CACNG4: variants seen among roughly 807,000 people sequenced by gnomAD.
CACNG4 encodes the protein calcium voltage-gated channel auxiliary subunit gamma 4, also known as voltage-dependent calcium channel gamma-4 subunit.
CACNG4 carries 8 observed loss-of-function variants against 22.9 expected under a neutral mutation model. The observed-to-expected ratio is 0.35, with a 90% CI of 0.21 to 0.63. The LOEUF (loss-of-function observed/expected upper bound fraction) is 0.63, where lower values mean the gene tolerates loss of function less well. Ranked by LOEUF, CACNG4 falls within the 30% of genes least tolerant of loss-of-function variation. The probability of loss-of-function intolerance (pLI) is 0.72; values close to 1 mark genes in which losing one functional copy is unlikely to be tolerated. For missense variants in CACNG4, 357 were observed against 455.4 expected (o/e 0.78, Z 1.97); for synonymous variants, 188 against 191.9 (o/e 0.98, Z 0.17).
chr17:67,028,870 C>T (rs189174172), intron 3 of CACNG4, among the ~76,000 whole-genome samples: 1 of 152,360 alleles, frequency 6.6e-6, no homozygotes, highest in East Asian at 1.9e-4. Context: ...CTATTTTTCA[C>T]TTCCCATATT....
chr17:67,027,683 G>A lies in CACNG4; in HGVS notation c.445+2683G>A, dbSNP rs865776605. On this transcript the variant is annotated intron_variant, in intron 3 of 3. Transcript: ENST00000262138. This position sits in a 1 kb window ranked among gnomAD's most constrained non-coding sequence, Gnocchi z 4.3. ...CCAACTCGTGCTGAATACAGAGAGG[G>A]GAAGAAAACACAAAGCTAGGGAAGC... Among the ~76,000 whole-genome samples the A allele has an allele frequency of 5.9e-5, 9 of 152,190 alleles. No homozygotes were observed. The highest frequency in any genetic ancestry group is 2.0e-4 in the Admixed American group (3 of 15,278).
At chr17:66,972,238 A>G (rs900989484) in intron 1 of CACNG4, among the ~76,000 whole-genome samples, 7 of 152,216 alleles carry the variant, frequency 4.6e-5, no homozygotes, top group African/African-American at 1.7e-4. Context: ...CACAGCCTAA[A>G]GTAGTGCTGG....
intron 1 of CACNG4, among the ~76,000 whole-genome samples, chr17:66,980,390 G>A (rs557133227): frequency 6.6e-6 from 1 of 152,222 alleles, no homozygotes; most frequent in Non-Finnish European, 1.5e-5. Context: ...GTCGTGAGAG[G>A]CCCCTCAGGG....
At chr17:66,994,378 A>G (rs1391733225) in intron 1 of CACNG4, among the ~76,000 whole-genome samples, 4 of 152,004 alleles carry the variant, frequency 2.6e-5, no homozygotes, top group Non-Finnish European at 4.4e-5. Flanking sequence ...CACGCATGGA[A>G]AAGGTGCCTC....
chr17:67,030,434 G>T lies in CACNG4; in HGVS notation c.446-32G>T. On this transcript the variant is annotated intron_variant, in intron 3 of 3. Transcript: ENST00000262138. The surrounding 1 kb of genome is among the most constrained non-coding windows in gnomAD (Gnocchi z 6.4). ...TAACCTCTGCCTCTCTCCCTCCCTG[G>T]CCCCGCTCCCCGCTCCCCGCTTCCC... 1 of 1,602,216 alleles carries T rather than the reference G, an allele frequency of 6.2e-7. No homozygotes were observed. Among genetic ancestry groups the T allele is most frequent in the Non-Finnish European group, 8.5e-7 (1 of 1,172,108 alleles).
intron 3 of CACNG4, among the ~76,000 whole-genome samples, chr17:67,029,446 G>A (rs570466046): frequency 1.3e-4 from 20 of 149,598 alleles, no homozygotes; most frequent in Non-Finnish European, 2.2e-4. Flanking sequence ...CCTGACTAAC[G>A]TGATAAAATC....
chr17:66,986,215 G>A (rs1019337584), intron 1 of CACNG4, among the ~76,000 whole-genome samples: 3 of 152,208 alleles, frequency 2.0e-5, no homozygotes, highest in Non-Finnish European at 2.9e-5. Context: ...AGGGCCCTTC[G>A]CTCCATCATA....
At chr17:66,991,049 G>A (rs2035337325) in intron 1 of CACNG4, among the ~76,000 whole-genome samples, 1 of 152,156 alleles carries the variant, frequency 6.6e-6, no homozygotes. Context: ...GATTAGATGA[G>A]TCAAACCGTA....
chr17:66,975,969 G>T (rs2035233214), intron 1 of CACNG4, among the ~76,000 whole-genome samples: 1 of 152,236 alleles, frequency 6.6e-6, no homozygotes, highest in Non-Finnish European at 1.5e-5. Context: ...AGAGGAACTG[G>T]GGAACTTCCA....
In CACNG4 at chr17:66,984,253, C is replaced by T. The variant is rs2035292945; in HGVS notation, c.220+19122C>T. On this transcript the variant is annotated intron_variant, in intron 1 of 3. Transcript: ENST00000262138. The surrounding 1 kb of genome is among the most constrained non-coding windows in gnomAD (Gnocchi z 4.0). The stretch of plus-strand genomic sequence containing the variant: ...TTAATTAGCTGGACATGGTGGTGCA[C>T]ACCTTTAGCCCTAGCTACACAGGAG... Among the ~76,000 whole-genome samples the T allele has an allele frequency of 6.6e-6, 1 of 152,128 alleles. No individual in the cohort carries two copies. The highest frequency in any genetic ancestry group is 2.4e-5 in the African/African-American group (1 of 41,394).
At chr17:66,996,439 G>C (rs1008587960) in intron 1 of CACNG4, among the ~76,000 whole-genome samples, 5 of 150,812 alleles carry the variant, frequency 3.3e-5, no homozygotes, top group Non-Finnish European at 7.4e-5. Context: ...GAGTGCAGTG[G>C]TGTGATCTCG....
At position 67,031,054 on chromosome 17, in the gene CACNG4, T is replaced by G; in HGVS notation, c.*50T>G. ...CAGCCTCTCCCCAGAACGGCTCTTT[T>G]TGTCACACAGGATGGCATGTGATCC... is the stretch of plus-strand genomic sequence containing the variant. On this transcript the variant is annotated 3_prime_UTR_variant, in exon 4 of 4. Coordinates refer to ENST00000262138, the MANE Select transcript of CACNG4 (RefSeq NM_014405.4). The surrounding 1 kb of genome is among the most constrained non-coding windows in gnomAD (Gnocchi z 4.0). 1 of 1,551,394 alleles carries G rather than the reference T, an allele frequency of 6.4e-7. No homozygotes were observed. Among genetic ancestry groups the G allele is most frequent in the Non-Finnish European group, 8.7e-7 (1 of 1,143,660 alleles).
intron 1 of CACNG4, among the ~76,000 whole-genome samples, chr17:66,982,098 A>G (rs887740527): frequency 2.0e-5 from 3 of 152,200 alleles, no homozygotes; most frequent in Admixed American, 2.0e-4. Context: ...ACAGCTCTTA[A>G]AGGTGGCACG....
chr17:67,002,221 G>A (rs931353502), intron 1 of CACNG4, among the ~76,000 whole-genome samples: 5 of 152,218 alleles, frequency 3.3e-5, no homozygotes, highest in African/African-American at 9.6e-5. Flanking sequence ...AAGAGAGCGT[G>A]TGCAGGGGAA....
intron 1 of CACNG4, among the ~76,000 whole-genome samples, chr17:67,016,716 G>C (rs914807308): frequency 2.0e-5 from 3 of 152,196 alleles, no homozygotes; most frequent in Non-Finnish European, 4.4e-5. Flanking sequence ...GGGCTGACCC[G>C]GGGGAAGGGG....
intron 3 of CACNG4, among the ~76,000 whole-genome samples, chr17:67,029,912 CAT>C (rs1210226583): frequency 2.0e-5 from 3 of 152,240 alleles, no homozygotes; most frequent in African/African-American, 4.8e-5. Context: ...CCCATGTGCA[CAT>C]GTGAGGCTGT....
At chr17:67,005,621 T>C (rs893535291) in intron 1 of CACNG4, among the ~76,000 whole-genome samples, 3 of 152,250 alleles carry the variant, frequency 2.0e-5, no homozygotes, top group African/African-American at 7.2e-5. Flanking sequence ...CAGAATGGGC[T>C]GCAGACAGGC....
At position 67,018,178 on chromosome 17, in the gene CACNG4, G is replaced by A. The variant is rs753019358; in HGVS notation, c.221-11G>A. 23 of 1,608,234 alleles carry A rather than the reference G, an allele frequency of 1.4e-5. 1 individual carries two copies. Among genetic ancestry groups the A allele is most frequent in the Middle Eastern group, 1.6e-4 (1 of 6,080 alleles). On this transcript the variant is annotated splice_polypyrimidine_tract_variant and intron_variant, in intron 1 of 3. Transcript: ENST00000262138. ...GCATTTACAGTGTTCTTTTCCTCTC[G>A]TTCCTTCCAGGGATCTATAAAGGGC...
At chr17:66,989,180 C>A (rs897467572) in intron 1 of CACNG4, among the ~76,000 whole-genome samples, 2 of 151,072 alleles carry the variant, frequency 1.3e-5, no homozygotes, top group Non-Finnish European at 2.9e-5. Flanking sequence ...AACTGTGTCC[C>A]CTAAAAAGAT....
Sources: gnomAD v4.1 joint callset for allele counts (sites outside exome capture counted in the v4.1 genomes callset) on GRCh38, gnomAD v4.1.1 for gene constraint, Gnocchi (gnomAD v3.1) non-coding constraint, MANE v1.5 for transcripts, NCBI Gene and HGNC (gene_info 2026-07-23, HGNC 2026-07-21) for gene names.